LDLRAD2: variants seen among roughly 807,000 people sequenced by gnomAD.
LDLRAD2 encodes low density lipoprotein receptor class A domain containing 2.
A neutral mutation model predicts 24.9 loss-of-function variants in LDLRAD2; 25 were observed. That is an observed-to-expected ratio of 1.00 (90% confidence interval 0.73 to 1.40). LDLRAD2 has a LOEUF of 1.40. LDLRAD2 is among the 40% of genes most tolerant of loss of function. The pLI is 0.00. For synonymous variants in LDLRAD2, 182 were observed against 166.7 expected, an observed-to-expected ratio of 1.09 and a Z score of -0.71; for missense variants, 391 against 366.2, an observed-to-expected ratio of 1.07 and a Z score of -0.55.
chr1:21,823,616 C>G lies in LDLRAD2; in HGVS notation c.*1401C>G, dbSNP rs749949642. The G allele has an allele frequency of 1.2e-6, 2 of 1,613,222 alleles. No individual in the cohort carries two copies. The highest frequency in any genetic ancestry group is 2.2e-5 in the South Asian group (2 of 91,080). ...CCCTGAGAAGGAGCCCCAGACTTAC[C>G]GATGTAGACGCTGCCCTTGGCGTTG... On this transcript the variant is annotated 3_prime_UTR_variant, in exon 5 of 5. Coordinates refer to ENST00000344642, the MANE Select transcript of LDLRAD2 (RefSeq NM_001013693.3).
Position 21,823,045 on chromosome 1 carries a change from G to A in LDLRAD2, c.*830G>A. On this transcript the variant is annotated 3_prime_UTR_variant, in exon 5 of 5. Coordinates refer to ENST00000344642, the MANE Select transcript of LDLRAD2 (RefSeq NM_001013693.3). ...AGGGGGACAGTGGGGGCAGTTCTGGGCCCACCCAGCCACTGTTCCTGACCC... is the reference window on the plus strand; with the variant it reads ...AGGGGGACAGTGGGGGCAGTTCTGGACCCACCCAGCCACTGTTCCTGACCC... 5.4e-6 allele frequency: 2 copies of A among 367,714 alleles called. No homozygotes were observed. Among genetic ancestry groups the A allele is most frequent in the Non-Finnish European group, 9.7e-6 (2 of 206,410 alleles). The allele number at this position is 367,714 out of a possible 1,614,324, so 22.8% of individuals were successfully genotyped here.
At chr1:21,821,985 A>C in intron 4 of LDLRAD2, 9 of 1,425,818 alleles carry the variant, frequency 6.3e-6, no homozygotes, top group Non-Finnish European at 8.2e-6. Flanking sequence ...GGCACATGGG[A>C]ATGATACTAG....
Position 21,813,481 on chromosome 1 carries a change from A to AC in LDLRAD2, c.86-914dup, listed in dbSNP as rs1203317537. On this transcript the variant is annotated intron_variant, in intron 1 of 4. Coordinates refer to ENST00000344642, the MANE Select transcript of LDLRAD2 (RefSeq NM_001013693.3). ...CCCACATCCTGGCTGGTCCTCAAGT[A>AC]CCCACTGGTCCCTATCTTGCACCAG... 4.6e-5 allele frequency among the ~76,000 whole-genome samples: 7 copies of AC among 152,192 alleles called. No homozygotes were observed. In the East Asian group the frequency reaches 1.4e-3, roughly 29 times the overall value.
Position 21,823,803 on chromosome 1 carries a change from C to A in LDLRAD2, c.*1588C>A. On this transcript the variant is annotated 3_prime_UTR_variant, in exon 5 of 5. Coordinates refer to ENST00000344642, the MANE Select transcript of LDLRAD2 (RefSeq NM_001013693.3). ...CGACAGAGTCCCCTCCCTCTGATAT[C>A]GAGACTCCAGACTCAGAAGTCTGTC... 9.6e-7 allele frequency: 1 copy of A among 1,039,640 alleles called. No homozygotes were observed. Among genetic ancestry groups the A allele is most frequent in the Non-Finnish European group, 1.5e-6 (1 of 670,918 alleles). The allele number at this position is 1,039,640 out of a possible 1,614,324, so 64.4% of individuals were successfully genotyped here.
intron 3 of LDLRAD2, among the ~76,000 whole-genome samples, chr1:21,818,054 TTTAGTAGAGA>T (rs1441130163): frequency 6.8e-6 from 1 of 147,932 alleles, no homozygotes; most frequent in Non-Finnish European, 1.5e-5. Flanking sequence ...TTTTTGTATT[TTTAGTAGAGA>T]CGGGATTTCT....
At position 21,814,450 on chromosome 1, in the gene LDLRAD2, G is replaced by A; in HGVS notation, c.138G>A (p.Leu46=). The A allele has an allele frequency of 6.2e-7, 1 of 1,610,612 alleles. No homozygotes were observed. The change falls in exon 2 of 5, where the codon CTG becomes CTA. Residue 46 remains leucine, a synonymous_variant. Transcript: ENST00000344642. ...CGTGGCAGGGGGACGGGCTGCTGCT[G>A]CGCTCGCACGCCGCATCGCGCAGGT... ...GQTWQGDGLL[L]RSHAASRRFY...
In LDLRAD2 at chr1:21,824,829, A is replaced by G. The variant is rs774855220; in HGVS notation, c.*2614A>G. On this transcript the variant is annotated 3_prime_UTR_variant, in exon 5 of 5. Coordinates refer to ENST00000344642, the MANE Select transcript of LDLRAD2 (RefSeq NM_001013693.3). The surrounding 1 kb of genome is among the most constrained non-coding windows in gnomAD (Gnocchi z 5.9). ...CATACCTGCTGCATCAGGCATCAAAATCCCCCGTCAGTTCCCCTGACCCCC... is the reference window on the plus strand; with the variant it reads ...CATACCTGCTGCATCAGGCATCAAAGTCCCCCGTCAGTTCCCCTGACCCCC... 4 of 1,523,738 alleles carry G rather than the reference A, an allele frequency of 2.6e-6. No individual in the cohort carries two copies. Among genetic ancestry groups the G allele is most frequent in the Non-Finnish European group, 3.6e-6 (4 of 1,113,736 alleles). The allele number at this position is 1,523,738 out of a possible 1,614,324, so 94.4% of individuals were successfully genotyped here. A position where few individuals can be genotyped will look rare whatever the true frequency, so the allele number is the denominator to read the frequency against.
chr1:21,823,017 G>A lies in LDLRAD2; in HGVS notation c.*802G>A. 1 of 295,804 alleles carries A rather than the reference G, an allele frequency of 3.4e-6. No individual in the cohort carries two copies. The highest frequency in any genetic ancestry group is 6.2e-6 in the Non-Finnish European group (1 of 160,776). The allele number at this position is 295,804 out of a possible 1,614,324, so 18.3% of individuals were successfully genotyped here. A position where few individuals can be genotyped will look rare whatever the true frequency, so the allele number is the denominator to read the frequency against. On this transcript the variant is annotated 3_prime_UTR_variant, in exon 5 of 5. Transcript: ENST00000344642. Reference sequence around the variant, plus strand: ...GCTCTATCTGGGGGCTCCATCGGTGGGTAGGGGGACAGTGGGGGCAGTTCT... The same window carrying A: ...GCTCTATCTGGGGGCTCCATCGGTGAGTAGGGGGACAGTGGGGGCAGTTCT...
chr1:21,820,447 C>T (rs892010161), intron 3 of LDLRAD2, among the ~76,000 whole-genome samples: 1 of 145,218 alleles, frequency 6.9e-6, no homozygotes, highest in Non-Finnish European at 1.5e-5. Flanking sequence ...GGCGTGAACC[C>T]GGAAGGCGGA....
In LDLRAD2 at chr1:21,814,517, C is replaced by G. The variant is rs1213262724; in HGVS notation, c.205C>G (p.Gln69Glu). ...APDTDCGLWV[Q>E]AAAPGDRIRF... ...GGACACCGACTGCGGGCTCTGGGTG[C>G]AGGCGGCAGCCCCCGGCGACCGGAT... The change falls in exon 2 of 5, where the codon CAG (glutamine) becomes GAG (glutamate). Residue 69 changes from glutamine (Q) to glutamate (E), a missense_variant. Gln to Glu is a conservative substitution (Grantham distance 29, BLOSUM62 2). Coordinates refer to ENST00000344642, the MANE Select transcript of LDLRAD2 (RefSeq NM_001013693.3). 5 of 1,612,536 alleles carry G rather than the reference C, an allele frequency of 3.1e-6. No homozygotes were observed. Among genetic ancestry groups the G allele is most frequent in the Non-Finnish European group, 4.2e-6 (5 of 1,179,746 alleles).
At position 21,822,488 on chromosome 1, in the gene LDLRAD2, ATCCGTCCG is replaced by A. The variant is rs750951967; in HGVS notation, c.*279_*286del. ...CTAGCTCTTCCTGAGCACCAGCGGC[ATCCGTCCG>A]TCCGTTGTCTGTTGGAGGAGTCCCT... On this transcript the variant is annotated 3_prime_UTR_variant, in exon 5 of 5. Transcript: ENST00000344642. The A allele has an allele frequency of 6.6e-6, 3 of 457,946 alleles. No homozygotes were observed. Among genetic ancestry groups the A allele is most frequent in the East Asian group, 4.0e-5 (1 of 25,138 alleles). The allele number at this position is 457,946 out of a possible 1,614,324, so 28.4% of individuals were successfully genotyped here. A position where few individuals can be genotyped will look rare whatever the true frequency, so the allele number is the denominator to read the frequency against.
At position 21,816,926 on chromosome 1, in the gene LDLRAD2, A is replaced by G. The variant is rs182950229; in HGVS notation, c.643+852A>G. Among the ~76,000 whole-genome samples, 439 of 152,250 alleles carry G rather than the reference A, an allele frequency of 2.9e-3. 1 individual carries two copies. The highest frequency in any genetic ancestry group is 4.7e-3 in the Non-Finnish European group (322 of 68,014). ...GGACTTGTCTTTGAACTTCAGCCAC[A>G]TAACCTCCTCCCTGCTCAGCATCTC... On this transcript the variant is annotated intron_variant, in intron 3 of 4. Transcript: ENST00000344642.
At chr1:21,816,257 T>C (rs148972673) in intron 3 of LDLRAD2, among the ~76,000 whole-genome samples, 183 bp downstream of exon 3, 3 of 152,324 alleles carry the variant, frequency 2.0e-5, no homozygotes, top group African/African-American at 7.2e-5. Context: ...CTGCAGATGA[T>C]CTCATCCGGC....
chr1:21,814,357 G>A, intron 1 of LDLRAD2, 41 bp from the exon 2 acceptor site: 2 of 1,514,002 alleles, frequency 1.3e-6, no homozygotes, highest in Admixed American at 2.0e-5. Flanking sequence ...AGAGTTCGGG[G>A]TCGCGCCGCG....
Position 21,823,037 on chromosome 1 carries a change from A to C in LDLRAD2, c.*822A>C. 3.0e-6 allele frequency: 1 copy of C among 335,256 alleles called. No individual in the cohort carries two copies. The highest frequency in any genetic ancestry group is 5.4e-6 in the Non-Finnish European group (1 of 186,096). The allele number at this position is 335,256 out of a possible 1,614,324, so 20.8% of individuals were successfully genotyped here. On this transcript the variant is annotated 3_prime_UTR_variant, in exon 5 of 5. Transcript: ENST00000344642. ...CGGTGGGTAGGGGGACAGTGGGGGC[A>C]GTTCTGGGCCCACCCAGCCACTGTT...
In LDLRAD2 at chr1:21,822,416, C is replaced by T; in HGVS notation, c.*201C>T. On this transcript the variant is annotated 3_prime_UTR_variant, in exon 5 of 5. Coordinates refer to ENST00000344642, the MANE Select transcript of LDLRAD2 (RefSeq NM_001013693.3). ...GATGGGGCAGGGTGGTCATATCCCC[C>T]TCCTCTCTCTCTCAGTCGTGAGTCC... 9.9e-6 allele frequency: 6 copies of T among 604,548 alleles called. No homozygotes were observed. Among genetic ancestry groups the T allele is most frequent in the Non-Finnish European group, 8.9e-6 (3 of 337,108 alleles). The allele number at this position is 604,548 out of a possible 1,614,324, so 37.4% of individuals were successfully genotyped here. A position where few individuals can be genotyped will look rare whatever the true frequency, so the allele number is the denominator to read the frequency against.
rs371083580 is a variant in LDLRAD2, at chr1:21,816,082, C to A, written c.643+8C>A. 2 of 1,611,794 alleles carry A rather than the reference C, an allele frequency of 1.2e-6. No homozygotes were observed. The highest frequency in any genetic ancestry group is 1.6e-4 in the Middle Eastern group (1 of 6,080). The stretch of plus-strand genomic sequence containing the variant: ...CACCAGCTGACTGCAGAGGTCAGTG[C>A]GGGGTGTGGACTGGGCCCTACTGAA... On this transcript the variant is annotated splice_region_variant and intron_variant, in intron 3 of 4. Coordinates refer to ENST00000344642, the MANE Select transcript of LDLRAD2 (RefSeq NM_001013693.3).
chr1:21,812,727 C>A (rs551672467), intron 1 of LDLRAD2, among the ~76,000 whole-genome samples, 191 bp downstream of exon 1: 1 of 152,368 alleles, frequency 6.6e-6, no homozygotes, highest in East Asian at 1.9e-4. Flanking sequence ...AGGCTTGGAT[C>A]TGCCAGTCAC....
At chr1:21,813,288 C>T (rs182751062) in intron 1 of LDLRAD2, among the ~76,000 whole-genome samples, 4 of 151,400 alleles carry the variant, frequency 2.6e-5, no homozygotes, top group Admixed American at 1.3e-4. Flanking sequence ...AGAGAGACTC[C>T]GTCTCAAAGA....
Sources: allele counts gnomAD v4.1 joint callset (sites outside exome capture counted in the v4.1 genomes callset), GRCh38; gene constraint gnomAD v4.1.1; non-coding constraint Gnocchi (gnomAD v3.1); transcripts MANE v1.5; gene names NCBI Gene and HGNC (gene_info 2026-07-23, HGNC 2026-07-21).